CDK5RAP2: variants seen among roughly 807,000 people sequenced by gnomAD.
The protein encoded by CDK5RAP2 is CDK5 regulatory subunit-associated protein 2.
Under a neutral mutation model 232.9 loss-of-function variants are expected in CDK5RAP2, and 147 were observed. The ratio of observed to expected loss-of-function variants is 0.63; its 90% CI spans 0.55 to 0.72. The LOEUF is 0.72. Ranked by LOEUF, CDK5RAP2 falls within the 30% of genes least tolerant of loss-of-function variation. The pLI, the probability that CDK5RAP2 is intolerant of heterozygous loss-of-function variation, is 0.00. For synonymous variants in CDK5RAP2, 833 were observed against 833.7 expected, an observed-to-expected ratio of 1.00 and a Z score of 0.01; for missense variants, 2,195 against 2,231.5, an observed-to-expected ratio of 0.98 and a Z score of 0.33.
chr9:120,434,592 C>T (rs538112218), intron 25 of CDK5RAP2, among the ~76,000 whole-genome samples: 10 of 152,008 alleles, frequency 6.6e-5, no homozygotes, highest in East Asian at 3.9e-4. Flanking sequence ...AGAAGAGAGG[C>T]GAGCTGAAGC....
At chr9:120,545,175 G>A (rs2041790604) in intron 5 of CDK5RAP2, among the ~76,000 whole-genome samples, 1 of 152,050 alleles carries the variant, frequency 6.6e-6, no homozygotes, top group South Asian at 2.1e-4. Flanking sequence ...CCCATCCTCT[G>A]TCTCCCTGCC....
At chr9:120,454,056 C>T (rs1049116982) in intron 20 of CDK5RAP2, among the ~76,000 whole-genome samples, 183 bp from the exon 21 acceptor site, 1 of 152,142 alleles carries the variant, frequency 6.6e-6, no homozygotes, top group Admixed American at 6.5e-5. Context: ...CCTCACGGCA[C>T]CCAAACAAAG....
intron 3 of CDK5RAP2, among the ~76,000 whole-genome samples, 168 bp from the exon 4 acceptor site, chr9:120,551,070 G>A (rs1183087009): frequency 2.6e-5 from 4 of 152,184 alleles, no homozygotes; most frequent in Non-Finnish European, 5.9e-5. Flanking sequence ...GAAGAATTAA[G>A]TGGTTCCCAC....
chr9:120,481,634 T>C (rs2038319915), intron 14 of CDK5RAP2, among the ~76,000 whole-genome samples: 1 of 148,952 alleles, frequency 6.7e-6, no homozygotes, highest in Admixed American at 6.7e-5. Flanking sequence ...TGCCTTAGCC[T>C]CCCAAGTAGT....
chr9:120,552,107 G>A (rs1289629081), intron 3 of CDK5RAP2, among the ~76,000 whole-genome samples: 4 of 151,868 alleles, frequency 2.6e-5, no homozygotes, highest in East Asian at 1.9e-4. Context: ...CATCATCACT[G>A]GCCATCAGAG....
At chr9:120,431,477 A>G (rs940821314) in intron 25 of CDK5RAP2, among the ~76,000 whole-genome samples, 1 of 152,188 alleles carries the variant, frequency 6.6e-6, no homozygotes, top group Non-Finnish European at 1.5e-5. Flanking sequence ...ACTTCCTCTT[A>G]GGCTGAGAAC....
Position 120,443,729 on chromosome 9 carries a change from C to T in CDK5RAP2, c.3039G>A (p.Val1013=), listed in dbSNP as rs368632708. The T allele has an allele frequency of 5.0e-6, 8 of 1,613,948 alleles. No homozygotes were observed. Among genetic ancestry groups the T allele is most frequent in the Non-Finnish European group, 6.8e-6 (8 of 1,179,970 alleles). Residue 1013 remains valine (V), a synonymous_variant, in exon 23 of 38, where the codon GTG becomes GTA. Coordinates refer to ENST00000349780, the MANE Select transcript of CDK5RAP2 (RefSeq NM_018249.6). ...CTGGGCTGTCCTGGTAGGCTGCTCCCACAGGGGGCTGAGCTACAGGCAATC... is the reference window on the plus strand; with the variant it reads ...CTGGGCTGTCCTGGTAGGCTGCTCCTACAGGGGGCTGAGCTACAGGCAATC... ...DKTLLNAQPP[V]GAAYQDSPGE...
intron 12 of CDK5RAP2, 83 bp downstream of exon 12, chr9:120,518,344 C>T: frequency 9.0e-7 from 1 of 1,107,292 alleles, no homozygotes; most frequent in Non-Finnish European, 1.4e-6. Context: ...GTCTTCTGTA[C>T]TGAATATCAC....
chr9:120,509,130 G>T (rs533514143), intron 12 of CDK5RAP2, among the ~76,000 whole-genome samples: 1 of 152,178 alleles, frequency 6.6e-6, no homozygotes, highest in Non-Finnish European at 1.5e-5. Flanking sequence ...AGAGCGCTCC[G>T]ACTCCCTTCT....
chr9:120,394,375 A>T, intron 36 of CDK5RAP2, 137 bp downstream of exon 36: 2 of 1,344,538 alleles, frequency 1.5e-6, no homozygotes, highest in Non-Finnish European at 2.1e-6. Flanking sequence ...GAAAGGATGG[A>T]GTATGAAAAG....
chr9:120,470,986 G>A (rs1470456876), intron 16 of CDK5RAP2, among the ~76,000 whole-genome samples: 1 of 152,198 alleles, frequency 6.6e-6, no homozygotes, highest in African/African-American at 2.4e-5. Flanking sequence ...CCCCAGCTGA[G>A]TCTTGGTTTC....
chr9:120,559,820 G>C (rs1392977077), intron 3 of CDK5RAP2, among the ~76,000 whole-genome samples: 1 of 152,166 alleles, frequency 6.6e-6, no homozygotes, highest in Non-Finnish European at 1.5e-5. Context: ...AACTGGAAAA[G>C]GGCCCCAGCT....
chr9:120,449,911 G>A (rs1356088908), intron 21 of CDK5RAP2, among the ~76,000 whole-genome samples: 1 of 152,158 alleles, frequency 6.6e-6, no homozygotes, highest in Non-Finnish European at 1.5e-5. Flanking sequence ...ACACACTGCT[G>A]GTGAGAATGT....
At chr9:120,553,875 C>T (rs1421968881) in intron 3 of CDK5RAP2, among the ~76,000 whole-genome samples, 1 of 152,190 alleles carries the variant, frequency 6.6e-6, no homozygotes, top group Non-Finnish European at 1.5e-5. Flanking sequence ...ATTCCTCTCA[C>T]CTAAGCCTCC....
At chr9:120,451,592 C>A (rs1000018691) in intron 21 of CDK5RAP2, among the ~76,000 whole-genome samples, 2 of 152,048 alleles carry the variant, frequency 1.3e-5, no homozygotes, top group African/African-American at 4.8e-5. Context: ...CAAAAAATAT[C>A]ATTAAATTTC....
chr9:120,448,025 C>T lies in CDK5RAP2; in HGVS notation c.2895G>A (p.Gln965=). The T allele has an allele frequency of 6.2e-7, 1 of 1,614,204 alleles. No homozygotes were observed. Among genetic ancestry groups the T allele is most frequent in the African/African-American group, 1.3e-5 (1 of 75,058 alleles). Residue 965 remains glutamine (Q), a synonymous_variant, in exon 22 of 38, where the codon CAG becomes CAA. Transcript: ENST00000349780. The part of the protein sequence containing the change: ...PATQEVVTQL[Q]SQILELQGEL... ...CCCCCTGCAGCTCCAAGATCTGGCT[C>T]TGCAGCTGCGTCACCACCTCCTGGG...
intron 12 of CDK5RAP2, among the ~76,000 whole-genome samples, chr9:120,509,837 G>A (rs1331649956): frequency 3.3e-5 from 5 of 152,104 alleles, no homozygotes; most frequent in Non-Finnish European, 7.4e-5. Context: ...AATGGAGCCA[G>A]GACTCCAAAC....
intron 20 of CDK5RAP2, among the ~76,000 whole-genome samples, chr9:120,454,891 A>G (rs1295335398): frequency 1.3e-5 from 2 of 151,932 alleles, no homozygotes; most frequent in Non-Finnish European, 2.9e-5. Flanking sequence ...TTCCTGTCTT[A>G]CTCTCCCTGA....
rs569890716 is a variant in CDK5RAP2, at chr9:120,521,316, A to G, written c.1093-2671T>C. 8.5e-5 allele frequency among the ~76,000 whole-genome samples: 13 copies of G among 152,306 alleles called. No homozygotes were observed. In the East Asian group the frequency reaches 2.5e-3, roughly 29 times the overall value. On this transcript the variant is annotated intron_variant, in intron 11 of 37. Transcript: ENST00000349780. ...GCACAAACAGGCTGGAAGAGCTCAAATATCTTGCCCAAGGTTACAGTTAGT... is the reference window on the plus strand; with the variant it reads ...GCACAAACAGGCTGGAAGAGCTCAAGTATCTTGCCCAAGGTTACAGTTAGT...
Sources: allele counts gnomAD v4.1 joint callset (sites outside exome capture counted in the v4.1 genomes callset), GRCh38; gene constraint gnomAD v4.1.1; transcripts MANE v1.5; gene names NCBI Gene and HGNC (gene_info 2026-07-23, HGNC 2026-07-21).